The following ENAM variants were observed in gnomAD, a reference collection of about 807,000 sequenced individuals.
ENAM encodes the protein amelogenesis imperfecta 2, hypocalcification (autosomal dominant).
A neutral mutation model predicts 33.6 loss-of-function variants in ENAM; 21 were observed. The observed-to-expected ratio is 0.63, with a 90% CI of 0.44 to 0.90. The LOEUF (loss-of-function observed/expected upper bound fraction) is 0.90, where lower values mean the gene tolerates loss of function less well. ENAM is among the 40% of genes least tolerant of loss of function. The probability of loss-of-function intolerance (pLI) is 0.00; values close to 1 mark genes in which losing one functional copy is unlikely to be tolerated. For missense variants in ENAM, 1,388 were observed against 1,366.9 expected, an observed-to-expected ratio of 1.02 and a Z score of -0.24; for synonymous variants, 473 against 468.4, an observed-to-expected ratio of 1.01 and a Z score of -0.13.
Position 70,634,667 on chromosome 4 carries a change from G to A in ENAM, c.471+99G>A. 5 of 1,150,184 alleles carry A rather than the reference G, an allele frequency of 4.3e-6. No individual in the cohort carries two copies. In the South Asian group the frequency reaches 6.2e-5, roughly 14 times the overall value. The allele number at this position is 1,150,184 out of a possible 1,614,324, so 71.2% of individuals were successfully genotyped here. On this transcript the variant is annotated intron_variant, in intron 6 of 8. Coordinates refer to ENST00000396073, the MANE Select transcript of ENAM (RefSeq NM_031889.3). ...ATACACACTTCAATACAGGTACTCTGTTGCAATACCAATGTTTGTTTTGAC... is the reference window on the plus strand; with the variant it reads ...ATACACACTTCAATACAGGTACTCTATTGCAATACCAATGTTTGTTTTGAC...
intron 7 of ENAM, among the ~76,000 whole-genome samples, chr4:70,636,781 A>G (rs1239082572): frequency 6.6e-6 from 1 of 152,190 alleles, no homozygotes; most frequent in Non-Finnish European, 1.5e-5. Flanking sequence ...AAAAAAAAAA[A>G]AGAGATCTTG....
At chr4:70,641,543 C>A (rs1192730949) in intron 8 of ENAM, among the ~76,000 whole-genome samples, 1 of 151,724 alleles carries the variant, frequency 6.6e-6, no homozygotes, top group Non-Finnish European at 1.5e-5. Flanking sequence ...GCGTGCACCA[C>A]CATGCCCAGC....
chr4:70,640,295 C>T (rs911883354), intron 8 of ENAM, among the ~76,000 whole-genome samples: 74 of 152,252 alleles, frequency 4.9e-4, no homozygotes, highest in Middle Eastern at 3.4e-3. Context: ...GCTGTGGACT[C>T]CTAGGAATAG....
intron 7 of ENAM, 118 bp from the exon 8 acceptor site, chr4:70,637,672 A>C: frequency 1.2e-6 from 1 of 800,124 alleles, no homozygotes; most frequent in Non-Finnish European, 2.3e-6. Flanking sequence ...AAAAGCTCAG[A>C]GTACTAACTG....
intron 8 of ENAM, 45 bp downstream of exon 8, chr4:70,637,888 A>T: frequency 7.1e-7 from 1 of 1,406,776 alleles, no homozygotes; most frequent in Non-Finnish European, 1.0e-6. Context: ...ATTACAATCC[A>T]TTCGCCCCTG....
rs1738633167 is a variant in ENAM at position 70,642,679 on chromosome 4, C to T, written c.1253C>T (p.Ala418Val). The change falls in exon 9 of 9, where the codon GCC becomes GTC. Residue 418 changes from alanine to valine, a missense_variant. By Grantham distance (64) the Ala-to-Val change is moderately conservative. Coordinates refer to ENST00000396073, the MANE Select transcript of ENAM (RefSeq NM_031889.3). ...AAACACCCTGTAGGAACTACTGTTG[C>T]CCCACTGGGTCCCAAACCTGGCCCT... Reference protein sequence around the residue: ...PNKHPVGTTVAPLGPKPGPVV... With the variant: ...PNKHPVGTTVVPLGPKPGPVV... 1.2e-6 allele frequency: 2 copies of T among 1,611,012 alleles called. No individual in the cohort carries two copies. Among genetic ancestry groups the T allele is most frequent in the East Asian group, 2.2e-5 (1 of 44,874 alleles).
Position 70,644,864 on chromosome 4 carries a change from C to T in ENAM, c.*9C>T, listed in dbSNP as rs1738717735. On this transcript the variant is annotated 3_prime_UTR_variant, in exon 9 of 9. Coordinates refer to ENST00000396073, the MANE Select transcript of ENAM (RefSeq NM_031889.3). ...TACTACTTCAGGCCTAGGGGTTATC[C>T]AACCAAGCATTCTTGGGGAAAGAGA... 1 of 1,609,320 alleles carries T rather than the reference C, an allele frequency of 6.2e-7. No individual in the cohort carries two copies. Among genetic ancestry groups the T allele is most frequent in the Non-Finnish European group, 8.5e-7 (1 of 1,175,716 alleles).
chr4:70,642,985 T>C lies in ENAM; in HGVS notation c.1559T>C (p.Ile520Thr), dbSNP rs1738642374. 6.2e-7 allele frequency: 1 copy of C among 1,614,020 alleles called. No individual in the cohort carries two copies. The highest frequency in any genetic ancestry group is 8.5e-7 in the Non-Finnish European group (1 of 1,179,996). ...CAAAGCCAGAATTTGCCCAAAGGGA[T>C]TGTTTTAGGGTCAAGAAGGATGCCA... ...QTQSQNLPKGIVLGSRRMPYE... is the reference protein window; with the variant it reads ...QTQSQNLPKGTVLGSRRMPYE... Residue 520 changes from isoleucine to threonine, a missense_variant, in exon 9 of 9, where the codon ATT (isoleucine) becomes ACT (threonine). Coordinates refer to ENST00000396073, the MANE Select transcript of ENAM (RefSeq NM_031889.3).
At chr4:70,637,233 G>C (rs1738473255) in intron 7 of ENAM, among the ~76,000 whole-genome samples, 1 of 152,174 alleles carries the variant, frequency 6.6e-6, no homozygotes, top group Admixed American at 6.5e-5. Context: ...TTGAGAAGCA[G>C]AAACTCGGCC....
rs1447746553 is a variant in ENAM, at chr4:70,644,611, T to A, written c.3185T>A (p.Leu1062Ter). ...CATTTGCCATGCTTTGGCTCCAAAT[T>A]AGCAAAGCATCACTCTTCCACCACC... ...ILHLPCFGSK[L>*]AKHHSSTTGT... Residue 1062 changes from leucine to a stop codon, truncating the protein, a stop_gained, in exon 9 of 9, where the codon TTA (leucine) becomes TAA (stop). Transcript: ENST00000396073. LOFTEE classifies it high-confidence loss of function. The A allele has an allele frequency of 1.2e-6, 2 of 1,613,276 alleles. No homozygotes were observed. The highest frequency in any genetic ancestry group is 1.1e-5 in the South Asian group (1 of 90,996).
At chr4:70,631,515 A>G (rs1738319361) in intron 2 of ENAM, among the ~76,000 whole-genome samples, 155 bp from the exon 3 acceptor site, 1 of 152,124 alleles carries the variant, frequency 6.6e-6, no homozygotes, top group Non-Finnish European at 1.5e-5. Context: ...TAACTATCTA[A>G]TAGTTTCTTG....
In ENAM at chr4:70,631,867, C is replaced by G. The variant is rs368423807; in HGVS notation, c.142C>G (p.Pro48Ala). 20 of 1,613,890 alleles carry G rather than the reference C, an allele frequency of 1.2e-5. 1 individual carries two copies. In the South Asian group the frequency reaches 2.2e-4, roughly 18 times the overall value. ...VAMPMHMPRM[P>A]GFSSKSEEMM... Reference sequence around the variant, plus strand: ...CTTCCAGATGCACATGCCCCGAATGCCTGGATTTAGCAGTAAAAGTGAGGA... The same window carrying G: ...CTTCCAGATGCACATGCCCCGAATGGCTGGATTTAGCAGTAAAAGTGAGGA... The change falls in exon 4 of 9, where the codon CCT becomes GCT. Residue 48 changes from proline to alanine, a missense_variant. Transcript: ENST00000396073.
chr4:70,644,494 C>T lies in ENAM; in HGVS notation c.3068C>T (p.Thr1023Ile), dbSNP rs367572645. 81 of 1,614,018 alleles carry T rather than the reference C, an allele frequency of 5.0e-5. No homozygotes were observed. The highest frequency in any genetic ancestry group is 6.4e-5 in the Non-Finnish European group (76 of 1,180,008). Residue 1023 changes from threonine to isoleucine, a missense_variant, in exon 9 of 9, where the codon ACA (threonine) becomes ATA (isoleucine). Transcript: ENST00000396073. Reference protein sequence around the residue: ...DLTPEQLVIGTPDEGSNPEGI... With the variant: ...DLTPEQLVIGIPDEGSNPEGI... ...ACTCCTGAGCAGCTTGTTATTGGTACACCTGATGAAGGCTCCAATCCAGAA... is the reference window on the plus strand; with the variant it reads ...ACTCCTGAGCAGCTTGTTATTGGTATACCTGATGAAGGCTCCAATCCAGAA...
Position 70,643,110 on chromosome 4 carries a change from G to A in ENAM, c.1684G>A (p.Ala562Thr). The A allele has an allele frequency of 1.2e-6, 2 of 1,613,892 alleles. No individual in the cohort carries two copies. The highest frequency in any genetic ancestry group is 1.7e-6 in the Non-Finnish European group (2 of 1,179,976). ...TTCTCCTGCAAAAGAACATTTTCCTGCTGGAAGAAATACTTGGGACCACCA... is the reference window on the plus strand; with the variant it reads ...TTCTCCTGCAAAAGAACATTTTCCTACTGGAAGAAATACTTGGGACCACCA... The part of the protein sequence containing the change: ...IPSPAKEHFP[A>T]GRNTWDHQEI... Residue 562 changes from alanine (A) to threonine (T), a missense_variant, in exon 9 of 9, where the codon GCT becomes ACT. By Grantham distance (58) the Ala-to-Thr change is moderately conservative. Transcript: ENST00000396073.
chr4:70,639,904 T>C (rs1738555858), intron 8 of ENAM, among the ~76,000 whole-genome samples: 1 of 152,150 alleles, frequency 6.6e-6, no homozygotes, highest in Admixed American at 6.5e-5. Flanking sequence ...CTAAGATGTC[T>C]GTATTCTACC....
chr4:70,636,992 G>T (rs1738468317), intron 7 of ENAM, among the ~76,000 whole-genome samples: 1 of 152,166 alleles, frequency 6.6e-6, no homozygotes, highest in African/African-American at 2.4e-5. Context: ...ATTCAGCTAT[G>T]ACATAGGTTT....
chr4:70,634,301 C>T lies in ENAM; in HGVS notation c.211-7C>T, dbSNP rs554718725. ...TATGATTTCACTATTATTTGCTACC[C>T]TTTCAGATGGCACACCTGGGGCCCT... On this transcript the variant is annotated splice_polypyrimidine_tract_variant and splice_region_variant and intron_variant, in intron 5 of 8. Coordinates refer to ENST00000396073, the MANE Select transcript of ENAM (RefSeq NM_031889.3). The T allele has an allele frequency of 6.8e-6, 11 of 1,613,808 alleles. 1 individual carries two copies. In the South Asian group the frequency reaches 8.8e-5, roughly 13 times the overall value.
rs1436973619 is a variant in ENAM at position 70,642,931 on chromosome 4, G to A, written c.1505G>A (p.Arg502Lys). The A allele has an allele frequency of 1.2e-6, 2 of 1,614,034 alleles. No homozygotes were observed. The highest frequency in any genetic ancestry group is 2.2e-5 in the East Asian group (1 of 44,874). The change falls in exon 9 of 9, where the codon AGA (arginine) becomes AAA (lysine). Residue 502 changes from arginine to lysine, a missense_variant. Physicochemically the swap from Arg to Lys is conservative, Grantham distance 26. Coordinates refer to ENST00000396073, the MANE Select transcript of ENAM (RefSeq NM_031889.3). ...TCCTATTACCCAAGAGGAGATTCCA[G>A]AAAAGTCCCAAATTCTGATGGACAA... ...ENSYYPRGDS[R>K]KVPNSDGQTQ...
intron 2 of ENAM, among the ~76,000 whole-genome samples, chr4:70,630,001 C>T (rs1438094443): frequency 2.0e-5 from 3 of 152,116 alleles, no homozygotes; most frequent in Non-Finnish European, 4.4e-5. Flanking sequence ...AAACATTTAG[C>T]AAAGAAAGCT....
Sources: allele counts gnomAD v4.1 joint callset (sites outside exome capture counted in the v4.1 genomes callset), GRCh38; gene constraint gnomAD v4.1.1; transcripts MANE v1.5; gene names NCBI Gene and HGNC (gene_info 2026-07-23, HGNC 2026-07-21).